EXTL3: variants seen among roughly 807,000 people sequenced by gnomAD.
EXTL3 encodes exostosin-like 3.
In EXTL3, 27 loss-of-function variants were observed where a neutral mutation model predicts 69.3. The observed-to-expected ratio is 0.39, with a 90% CI of 0.29 to 0.54. The LOEUF (loss-of-function observed/expected upper bound fraction) is 0.54, where lower values mean the gene tolerates loss of function less well. Ranked by LOEUF, EXTL3 falls within the 20% of genes least tolerant of loss-of-function variation. The pLI is 0.69. For missense variants in EXTL3, 1,003 were observed against 1,231.8 expected (o/e 0.81, Z 2.78); for synonymous variants, 511 against 499.4 (o/e 1.02, Z -0.31).
At chr8:28,634,189 T>A (rs1585223128) in intron 1 of EXTL3, among the ~76,000 whole-genome samples, 1 of 152,232 alleles carries the variant, frequency 6.6e-6, no homozygotes, top group Non-Finnish European at 1.5e-5. Context: ...TTTCCCTTTG[T>A]GTTTTAGCAA....
chr8:28,718,294 C>T lies in EXTL3; in HGVS notation c.2148+87C>T, dbSNP rs767612972. 145 of 1,327,460 alleles carry T rather than the reference C, an allele frequency of 1.1e-4. 1 individual carries two copies. Among genetic ancestry groups the T allele is most frequent in the Non-Finnish European group, 1.5e-4 (136 of 927,710 alleles). 82.2% of individuals were successfully genotyped at this position (1,327,460 alleles called of 1,614,324 possible). On this transcript the variant is annotated intron_variant, in intron 3 of 6. Coordinates refer to ENST00000220562, the MANE Select transcript of EXTL3 (RefSeq NM_001440.4). ...TTCCAACTTCCTTCACTTTAGCAAT[C>T]GTAACTTCTAGCAGAGGAGAATACA...
chr8:28,751,210 A>G lies in EXTL3; in HGVS notation c.*344A>G. ...CAATAACAACTATTATGATTATTTAAAAAGAGAAAGTTTCAGATTTGCCAT... is the reference window on the plus strand; with the variant it reads ...CAATAACAACTATTATGATTATTTAGAAAGAGAAAGTTTCAGATTTGCCAT... On this transcript the variant is annotated 3_prime_UTR_variant, in exon 7 of 7. Coordinates refer to ENST00000220562, the MANE Select transcript of EXTL3 (RefSeq NM_001440.4). 1 of 294,128 alleles carries G rather than the reference A, an allele frequency of 3.4e-6. No homozygotes were observed. The highest frequency in any genetic ancestry group is 7.1e-5 in the East Asian group (1 of 13,994). The allele number at this position is 294,128 out of a possible 1,614,324, so 18.2% of individuals were successfully genotyped here.
rs1012547826 is a variant in EXTL3, at chr8:28,716,958, A to G, written c.899A>G (p.Gln300Arg). ...NVSTGRAMVA[Q>R]STFYTVQYRP... is the part of the protein sequence containing the mutation. ...AGTACTGGCCGTGCCATGGTGGCCCAGTCCACCTTCTACACTGTCCAGTAC... is the reference window on the plus strand; with the variant it reads ...AGTACTGGCCGTGCCATGGTGGCCCGGTCCACCTTCTACACTGTCCAGTAC... Residue 300 changes from glutamine (Q) to arginine (R), a missense_variant, in exon 3 of 7, where the codon CAG (glutamine) becomes CGG (arginine). By Grantham distance (43) the Gln-to-Arg change is conservative (BLOSUM62 1). Transcript: ENST00000220562. This position sits in a 1 kb window ranked among gnomAD's most constrained non-coding sequence, Gnocchi z 7.1. The G allele has an allele frequency of 6.2e-7, 1 of 1,614,220 alleles. No individual in the cohort carries two copies. The highest frequency in any genetic ancestry group is 8.5e-7 in the Non-Finnish European group (1 of 1,180,026).
intron 6 of EXTL3, among the ~76,000 whole-genome samples, chr8:28,748,792 C>T (rs1489430517): frequency 6.6e-6 from 1 of 152,068 alleles, no homozygotes; most frequent in African/African-American, 2.4e-5. Context: ...CCTCCATGGG[C>T]TTAGGGACTC....
intron 1 of EXTL3, among the ~76,000 whole-genome samples, chr8:28,678,650 A>G (rs1807428867): frequency 6.6e-6 from 1 of 152,192 alleles, no homozygotes; most frequent in South Asian, 2.1e-4. Context: ...ACCACGAGCC[A>G]AATAAACCTT....
At chr8:28,662,608 G>C (rs1440314103) in intron 1 of EXTL3, among the ~76,000 whole-genome samples, 1 of 152,118 alleles carries the variant, frequency 6.6e-6, no homozygotes, top group African/African-American at 2.4e-5. Flanking sequence ...CACTGCAGAG[G>C]AAACCTGTTT....
chr8:28,622,482 G>C (rs998892007), upstream of EXTL3, among the ~76,000 whole-genome samples: 9 of 152,108 alleles, frequency 5.9e-5, no homozygotes, highest in African/African-American at 2.2e-4. Flanking sequence ...CAGCTGCGGG[G>C]CCGCGAGAAG....
chr8:28,703,205 C>T (rs915828109), intron 1 of EXTL3, among the ~76,000 whole-genome samples: 1 of 152,056 alleles, frequency 6.6e-6, no homozygotes, highest in African/African-American at 2.4e-5. Flanking sequence ...CTTCAGACTT[C>T]CGGAAACGTG....
chr8:28,632,169 G>C (rs1806579892), intron 1 of EXTL3, among the ~76,000 whole-genome samples: 1 of 152,048 alleles, frequency 6.6e-6, no homozygotes, highest in East Asian at 1.9e-4. Context: ...CACTTTGGGA[G>C]GCTGAGGCAG....
chr8:28,736,914 C>T (rs1801663545), intron 4 of EXTL3, among the ~76,000 whole-genome samples: 1 of 152,176 alleles, frequency 6.6e-6, no homozygotes, highest in Admixed American at 6.5e-5. Context: ...GCAGTCCTTC[C>T]ACCTCAGCCT....
chr8:28,660,937 A>T (rs1807102921), intron 1 of EXTL3, among the ~76,000 whole-genome samples: 1 of 120,422 alleles, frequency 8.3e-6, no homozygotes, highest in South Asian at 2.7e-4. Context: ...TTTTTGAGAC[A>T]GAGTCTTGCT....
chr8:28,718,282 C>T, intron 3 of EXTL3, 75 bp downstream of exon 3: 1 of 1,440,874 alleles, frequency 6.9e-7, no homozygotes, highest in Non-Finnish European at 9.7e-7. Flanking sequence ...CAACTTCCTT[C>T]ACTTTAGCAA....
intron 1 of EXTL3, among the ~76,000 whole-genome samples, chr8:28,635,785 T>A (rs1466627309): frequency 2.0e-5 from 3 of 151,510 alleles, no homozygotes. Context: ...TCCAAGGACT[T>A]CCAGCACAAG....
intron 3 of EXTL3, among the ~76,000 whole-genome samples, chr8:28,726,879 C>CTTTTTTTTT (rs11458194): frequency 1.1e-4 from 11 of 99,944 alleles, no homozygotes; most frequent in East Asian, 3.0e-4. Context: ...CTTTTCTTTT[C>CTTTTTTTTT]TTTTTTTTTT....
intron 1 of EXTL3, among the ~76,000 whole-genome samples, chr8:28,645,715 G>T (rs939983922): frequency 5.3e-5 from 8 of 151,570 alleles, no homozygotes; most frequent in African/African-American, 1.9e-4. Flanking sequence ...TTTTTTAAGA[G>T]ATGGGGTCTT....
At chr8:28,617,663 A>G (rs1253611056) in intron 2 of EXTL3, among the ~76,000 whole-genome samples, 1 of 152,198 alleles carries the variant, frequency 6.6e-6, no homozygotes, top group Non-Finnish European at 1.5e-5. Flanking sequence ...ACATGCCTGT[A>G]GTCCCAGCTA....
chr8:28,671,071 C>G (rs1052188163), intron 1 of EXTL3, among the ~76,000 whole-genome samples: 1 of 151,860 alleles, frequency 6.6e-6, no homozygotes, highest in African/African-American at 2.4e-5. Flanking sequence ...GCCTCCGCCT[C>G]CCGGGTTGAA....
At chr8:28,619,315 A>T (rs111752359), upstream of EXTL3, among the ~76,000 whole-genome samples, 14 of 126,520 alleles carry the variant, frequency 1.1e-4, no homozygotes, top group African/African-American at 4.5e-4. Context: ...AAAAAAAAAA[A>T]CCCTGTGTGA....
rs1478043174 is a variant in EXTL3, at chr8:28,737,567, C to T, written c.2325C>T (p.Tyr775=). ...RDRIVGFPGR[Y]HAWDIPHQSW... ...GCATCGTGGGCTTCCCTGGCCGTTA[C>T]CACGCATGGGACATCCCCCATCAGT... Residue 775 remains tyrosine, a synonymous_variant, in exon 5 of 7, where the codon TAC becomes TAT. Coordinates refer to ENST00000220562, the MANE Select transcript of EXTL3 (RefSeq NM_001440.4). The T allele has an allele frequency of 6.2e-7, 1 of 1,613,920 alleles. No individual in the cohort carries two copies. Among genetic ancestry groups the T allele is most frequent in the Non-Finnish European group, 8.5e-7 (1 of 1,179,908 alleles).
Sources: gnomAD v4.1 joint callset for allele counts (sites outside exome capture counted in the v4.1 genomes callset) on GRCh38, gnomAD v4.1.1 for gene constraint, Gnocchi (gnomAD v3.1) non-coding constraint, MANE v1.5 for transcripts, NCBI Gene and HGNC (gene_info 2026-07-23, HGNC 2026-07-21) for gene names.